Variants in GPBP1L1 observed in about 807,000 individuals in gnomAD.
The protein encoded by GPBP1L1 is vasculin-like protein 1.
A neutral mutation model predicts 52.5 loss-of-function variants in GPBP1L1; 23 were observed. That is an observed-to-expected ratio of 0.44 (90% CI 0.32 to 0.62). The LOEUF (loss-of-function observed/expected upper bound fraction) is 0.62. Ranked by LOEUF, GPBP1L1 falls within the 20% of genes least tolerant of loss-of-function variation. GPBP1L1 has a pLI of 0.06. For synonymous variants in GPBP1L1, 243 were observed against 203.1 expected (o/e 1.20, Z -1.67); for missense variants, 596 against 579.3 (o/e 1.03, Z -0.30).
chr1:45,650,725 C>G (rs1644809449), intron 6 of GPBP1L1, among the ~76,000 whole-genome samples: 1 of 152,214 alleles, frequency 6.6e-6, no homozygotes, highest in Admixed American at 6.5e-5. Context: ...CTAACCACTT[C>G]TCAGTCTCCC....
chr1:45,629,454 T>TTTC (rs758811981), intron 12 of GPBP1L1, 122 bp downstream of exon 12: 25 of 117,612 alleles, frequency 2.1e-4, no homozygotes, highest in South Asian at 4.8e-4. Context: ...ACTAAGGTAA[T>TTTC]CCCCCCCCCC....
At chr1:45,686,347 G>A (rs1645284658) in intron 1 of GPBP1L1, 65 bp downstream of exon 1, 1 of 152,556 alleles carries the variant, frequency 6.6e-6, no homozygotes, top group African/African-American at 2.4e-5. Flanking sequence ...TAGGCACCGG[G>A]CGGAGCCCCG....
At chr1:45,673,275 C>G (rs1200695639) in intron 2 of GPBP1L1, among the ~76,000 whole-genome samples, 1 of 152,126 alleles carries the variant, frequency 6.6e-6, no homozygotes, top group African/African-American at 2.4e-5. Flanking sequence ...AAGTAGACAG[C>G]AAGACCTTCA....
intron 2 of GPBP1L1, among the ~76,000 whole-genome samples, chr1:45,683,621 T>TC: frequency 6.8e-6 from 1 of 146,926 alleles, no homozygotes; most frequent in East Asian, 2.3e-4. Context: ...ACGCCTGTAA[T>TC]CCCAACACTT....
rs1395970848 is a variant in GPBP1L1, at chr1:45,628,067, A to G, written c.*189T>C. ...TCCCACCACACAAACTTCTCTCTATAAAGCAGATAACAGGGAAGAACAATA... is the reference window on the plus strand; with the variant it reads ...TCCCACCACACAAACTTCTCTCTATGAAGCAGATAACAGGGAAGAACAATA... On this transcript the variant is annotated 3_prime_UTR_variant, in exon 13 of 13. Transcript: ENST00000355105. The G allele has an allele frequency of 1.7e-6, 1 of 602,726 alleles. No individual in the cohort carries two copies. The highest frequency in any genetic ancestry group is 2.9e-6 in the Non-Finnish European group (1 of 344,604). 37.3% of individuals were successfully genotyped at this position (602,726 alleles called of 1,614,324 possible). A position where few individuals can be genotyped will look rare whatever the true frequency, so the allele number is the denominator to read the frequency against.
intron 2 of GPBP1L1, among the ~76,000 whole-genome samples, chr1:45,671,894 T>C (rs1165585549): frequency 6.6e-6 from 1 of 152,082 alleles, no homozygotes; most frequent in Non-Finnish European, 1.5e-5. Flanking sequence ...GGGAAAATAT[T>C]GCTATGACAT....
chr1:45,684,935 C>A (rs907512226), intron 2 of GPBP1L1, among the ~76,000 whole-genome samples: 21 of 152,086 alleles, frequency 1.4e-4, no homozygotes, highest in African/African-American at 5.1e-4. Flanking sequence ...TCAAAGTTCT[C>A]ATTCACAATT....
In GPBP1L1 at chr1:45,684,258, CAAAAAAA is replaced by C. The variant is rs60624036; in HGVS notation, c.-1098+1311_-1098+1317del. On this transcript the variant is annotated intron_variant, in intron 2 of 12. Coordinates refer to ENST00000355105, the MANE Select transcript of GPBP1L1 (RefSeq NM_021639.5). ...GGGCAACAAGAGCGAAACTCCGTCTCAAAAAAAAAAAAAAAAAAAGAAAAAGAAAAGA... is the reference window on the plus strand; with the variant it reads ...GGGCAACAAGAGCGAAACTCCGTCTCAAAAAAAAAAAAGAAAAAGAAAAGA... Among the ~76,000 whole-genome samples, 3 of 88,454 alleles carry C rather than the reference CAAAAAAA, an allele frequency of 3.4e-5. No individual in the cohort carries two copies. In the East Asian group the frequency reaches 9.0e-4, roughly 27 times the overall value. 58.0% of individuals were successfully genotyped at this position (88,454 alleles called of 152,430 possible). A position where few individuals can be genotyped will look rare whatever the true frequency, so the allele number is the denominator to read the frequency against.
At chr1:45,673,180 T>C (rs1220273945) in intron 2 of GPBP1L1, among the ~76,000 whole-genome samples, 1 of 152,144 alleles carries the variant, frequency 6.6e-6, no homozygotes, top group Non-Finnish European at 1.5e-5. Context: ...GGCTCATGAA[T>C]ACATAGGTGG....
At chr1:45,669,967 A>T (rs140779819) in intron 2 of GPBP1L1, among the ~76,000 whole-genome samples, 1 of 152,374 alleles carries the variant, frequency 6.6e-6, no homozygotes, top group East Asian at 1.9e-4. Flanking sequence ...CCAAGCACAC[A>T]GAACACTATC....
chr1:45,658,942 A>G, intron 4 of GPBP1L1, 86 bp downstream of exon 4: 1 of 913,848 alleles, frequency 1.1e-6, no homozygotes, highest in Non-Finnish European at 1.8e-6. Flanking sequence ...ACCCTGTCTC[A>G]AAACAAAATG....
chr1:45,669,567 A>T (rs1355504450), intron 2 of GPBP1L1, among the ~76,000 whole-genome samples: 1 of 152,236 alleles, frequency 6.6e-6, no homozygotes, highest in Non-Finnish European at 1.5e-5. Flanking sequence ...AATAACAGAC[A>T]TAGTTTAGTC....
rs12070177 is a variant in GPBP1L1 at position 45,651,082 on chromosome 1, C to T, written c.477+3461G>A. On this transcript the variant is annotated intron_variant, in intron 6 of 12. Coordinates refer to ENST00000355105, the MANE Select transcript of GPBP1L1 (RefSeq NM_021639.5). Reference sequence around the variant, plus strand: ...CTTTGCCTTTTTGAGCTTGGCAATGCGAGTCACAGACTTGGGACCCAGGAC... The same window carrying T: ...CTTTGCCTTTTTGAGCTTGGCAATGTGAGTCACAGACTTGGGACCCAGGAC... The T allele has an allele frequency of 5.0e-3, 2,536 of 502,324 alleles. 39 individuals are homozygous for T. Among genetic ancestry groups the T allele is most frequent in the African/African-American group, 0.036 (1,883 of 51,672 alleles). 31.1% of individuals were successfully genotyped at this position (502,324 alleles called of 1,614,324 possible).
rs1644468176 is a variant in GPBP1L1, at chr1:45,627,342, GT to G, written c.*913del. The G allele has an allele frequency of 6.6e-6, 1 of 151,684 alleles. No homozygotes were observed. Among genetic ancestry groups the G allele is most frequent in the East Asian group, 1.9e-4 (1 of 5,182 alleles). The allele number at this position is 151,684 out of a possible 1,614,324, so 9.4% of individuals were successfully genotyped here. On this transcript the variant is annotated 3_prime_UTR_variant, in exon 13 of 13. Coordinates refer to ENST00000355105, the MANE Select transcript of GPBP1L1 (RefSeq NM_021639.5). The stretch of plus-strand genomic sequence containing the variant: ...TTATTACTGGTAATTTATTGCACAG[GT>G]TTTTCTGCATCAAAAAAGTATCTGC...
intron 3 of GPBP1L1, 73 bp downstream of exon 3, chr1:45,660,111 A>C (rs1254188599): frequency 3.7e-5 from 32 of 867,194 alleles, no homozygotes; most frequent in Non-Finnish European, 4.3e-5. Flanking sequence ...TTACATCAGA[A>C]AGCAGTCGGT....
chr1:45,665,141 T>C lies in GPBP1L1; in HGVS notation c.-1097-3916A>G, dbSNP rs1644994652. Among the ~76,000 whole-genome samples, 2 of 151,910 alleles carry C rather than the reference T, an allele frequency of 1.3e-5. 1 individual carries two copies. The highest frequency in any genetic ancestry group is 4.8e-5 in the African/African-American group (2 of 41,370). On this transcript the variant is annotated intron_variant, in intron 2 of 12. Coordinates refer to ENST00000355105, the MANE Select transcript of GPBP1L1 (RefSeq NM_021639.5). The stretch of plus-strand genomic sequence containing the variant: ...CCCGTCTCTACTATAAATACAAAAA[T>C]TCGCTGGGTGTCGTGGCTGGCACCT...
At position 45,659,033 on chromosome 1, in the gene GPBP1L1, C is replaced by G. The variant is rs907171396; in HGVS notation, c.55G>C (p.Ala19Pro). 1.2e-6 allele frequency: 2 copies of G among 1,601,024 alleles called. No individual in the cohort carries two copies. The highest frequency in any genetic ancestry group is 1.7e-5 in the Admixed American group (1 of 60,018). The change falls in exon 4 of 13, where the codon GCT (alanine) becomes CCT (proline). Residue 19 changes from alanine to proline, a missense_variant. Physicochemically the swap from Ala to Pro is conservative, Grantham distance 27. Transcript: ENST00000355105. ...ACAGGAATGGAGAACAGTACCTTAG[C>G]TGACTGTGGTGTTGAGAAATTTAGC... ...AWLNFSTPQS[A>P]KSPTATFEKH...
intron 2 of GPBP1L1, among the ~76,000 whole-genome samples, chr1:45,684,708 TTTAG>T (rs1345255162): frequency 6.6e-6 from 1 of 152,042 alleles, no homozygotes; most frequent in Non-Finnish European, 1.5e-5. Flanking sequence ...CTCACTCCAG[TTTAG>T]TAGTTAACAG....
Position 45,660,188 on chromosome 1 carries a change from G to C in GPBP1L1, c.-60C>G, listed in dbSNP as rs1644932243. ...AGACATATGGAGAATATTTACCCCAGAGTGTAACCTCTGTGGTCCTGTTTC... is the reference window on the plus strand; with the variant it reads ...AGACATATGGAGAATATTTACCCCACAGTGTAACCTCTGTGGTCCTGTTTC... On this transcript the variant is annotated 5_prime_UTR_variant, in exon 3 of 13. Transcript: ENST00000355105. The C allele has an allele frequency of 1.0e-6, 1 of 985,284 alleles. No homozygotes were observed. The highest frequency in any genetic ancestry group is 1.2e-6 in the Non-Finnish European group (1 of 829,848). The allele number at this position is 985,284 out of a possible 1,614,324, so 61.0% of individuals were successfully genotyped here.
Sources: gnomAD v4.1 joint callset for allele counts (sites outside exome capture counted in the v4.1 genomes callset) on GRCh38, gnomAD v4.1.1 for gene constraint, MANE v1.5 for transcripts, NCBI Gene and HGNC (gene_info 2026-07-23, HGNC 2026-07-21) for gene names.